Variants in GRID2 observed in about 807,000 individuals in gnomAD.
The protein encoded by GRID2 is glutamate receptor ionotropic, delta-2.
In GRID2, 33 loss-of-function variants were observed where a neutral mutation model predicts 114.8. The ratio of observed to expected loss-of-function variants is 0.29; its 90% CI spans 0.22 to 0.38. The LOEUF is 0.38. Ranked by LOEUF, GRID2 falls within the 10% of genes least tolerant of loss-of-function variation. The pLI is 1.00. For synonymous variants in GRID2, 505 were observed against 449.9 expected, an observed-to-expected ratio of 1.12 and a Z score of -1.55; for missense variants, 1,184 against 1,257.7, an observed-to-expected ratio of 0.94 and a Z score of 0.89.
chr4:92,894,594 CA>C (rs1486339805), intron 2 of GRID2, among the ~76,000 whole-genome samples: 1 of 152,008 alleles, frequency 6.6e-6, no homozygotes, highest in African/African-American at 2.4e-5. Flanking sequence ...AGATTTTAGG[CA>C]AAAACAGGTA....
intron 1 of GRID2, among the ~76,000 whole-genome samples, chr4:92,330,211 A>G (rs1726812696): frequency 6.6e-6 from 1 of 152,082 alleles, no homozygotes; most frequent in South Asian, 2.1e-4. Flanking sequence ...AAGATGTTTA[A>G]ATTTTTTAAT....
intron 1 of GRID2, among the ~76,000 whole-genome samples, chr4:92,519,241 C>T (rs1023427494): frequency 6.6e-6 from 1 of 151,560 alleles, no homozygotes; most frequent in Non-Finnish European, 1.5e-5. Flanking sequence ...GAAGCATTTG[C>T]CTAAAAGTCA....
At chr4:93,681,666 A>G (rs1471587336) in intron 14 of GRID2, among the ~76,000 whole-genome samples, 5 of 152,214 alleles carry the variant, frequency 3.3e-5, no homozygotes, top group Non-Finnish European at 7.3e-5. Flanking sequence ...CCTGACAAAA[A>G]CAACCAATGG....
At chr4:93,804,390 A>C (rs1345094060) in intron 1 of GRID2, among the ~76,000 whole-genome samples, 2 of 152,148 alleles carry the variant, frequency 1.3e-5, no homozygotes, top group African/African-American at 4.8e-5. Context: ...TAGGTTATAT[A>C]ATATAACCTA....
intron 2 of GRID2, among the ~76,000 whole-genome samples, chr4:92,738,365 C>A (rs753890836): frequency 1.3e-5 from 2 of 151,884 alleles, no homozygotes; most frequent in African/African-American, 4.8e-5. Context: ...AGCTTATTCG[C>A]CCCAGAAAAA....
chr4:93,680,702 G>A (rs1174625964), intron 14 of GRID2, among the ~76,000 whole-genome samples: 4 of 151,458 alleles, frequency 2.6e-5, no homozygotes, highest in East Asian at 1.9e-4. Flanking sequence ...AATAGATGCA[G>A]AAAAGGCCTT....
chr4:93,529,904 T>A (rs1330510235), intron 13 of GRID2, among the ~76,000 whole-genome samples: 2 of 152,118 alleles, frequency 1.3e-5, no homozygotes, highest in African/African-American at 4.8e-5. Context: ...CAGCCATATG[T>A]CTAACACTCA....
intron 3 of GRID2, among the ~76,000 whole-genome samples, chr4:93,107,153 G>A (rs1194056071): frequency 1.3e-5 from 2 of 152,096 alleles, no homozygotes; most frequent in African/African-American, 4.8e-5. Context: ...ACAAAAGTTA[G>A]CCTGGCATGG....
chr4:92,819,609 G>A (rs1455157548), intron 2 of GRID2, among the ~76,000 whole-genome samples: 1 of 151,736 alleles, frequency 6.6e-6, no homozygotes, highest in Admixed American at 6.6e-5. Flanking sequence ...TTTAATTAAT[G>A]GTCATTCTTA....
At chr4:93,792,751 G>A (rs1734718676) in intron 1 of GRID2, among the ~76,000 whole-genome samples, 1 of 152,158 alleles carries the variant, frequency 6.6e-6, no homozygotes, top group Non-Finnish European at 1.5e-5. Context: ...GAGGCCATGT[G>A]CAATTTTAGA....
At chr4:93,402,906 G>A (rs1019571691) in intron 9 of GRID2, among the ~76,000 whole-genome samples, 5 of 152,078 alleles carry the variant, frequency 3.3e-5, no homozygotes, top group Non-Finnish European at 7.4e-5. Flanking sequence ...TAAGGACATT[G>A]TCCAAGTGTT....
chr4:93,213,754 T>C (rs550408574), intron 5 of GRID2, among the ~76,000 whole-genome samples: 2 of 152,278 alleles, frequency 1.3e-5, no homozygotes, highest in East Asian at 3.9e-4. Flanking sequence ...TTCTGGGAAA[T>C]GGCTGTTTCT....
chr4:92,918,445 T>C (rs1441378184), intron 2 of GRID2, among the ~76,000 whole-genome samples: 3 of 152,290 alleles, frequency 2.0e-5, no homozygotes, highest in Admixed American at 6.5e-5. Context: ...TCAAAGGGAA[T>C]GCTTCCAGTT....
Position 92,945,550 on chromosome 4 carries a change from A to G in GRID2, c.245-139445A>G, listed in dbSNP as rs142360739. Among the ~76,000 whole-genome samples, 961 of 152,260 alleles carry G rather than the reference A, an allele frequency of 6.3e-3. 6 individuals are homozygous for G. The highest frequency in any genetic ancestry group is 0.022 in the African/African-American group (920 of 41,574). On this transcript the variant is annotated intron_variant, in intron 2 of 15. Coordinates refer to ENST00000282020, the MANE Select transcript of GRID2 (RefSeq NM_001510.4). The stretch of plus-strand genomic sequence containing the variant: ...TAGGAAATTATGTTTGATTCTTACA[A>G]TTGTGATAATTGTTATCCTTCGTTT...
At chr4:93,494,783 T>C (rs1727369838) in intron 12 of GRID2, among the ~76,000 whole-genome samples, 2 of 151,928 alleles carry the variant, frequency 1.3e-5, no homozygotes, top group East Asian at 3.9e-4. Flanking sequence ...ATATAGTTAA[T>C]TGTTTTCAAA....
intron 14 of GRID2, among the ~76,000 whole-genome samples, chr4:93,684,290 T>A (rs76150362): frequency 0.05 from 7,664 of 152,202 alleles, 647 homozygotes; most frequent in African/African-American, 0.17. Flanking sequence ...GTATTTTAAA[T>A]GAAATCCTTG....
At chr4:92,843,022 T>G (rs1743026972) in intron 2 of GRID2, among the ~76,000 whole-genome samples, 1 of 152,134 alleles carries the variant, frequency 6.6e-6, no homozygotes, top group African/African-American at 2.4e-5. Context: ...GAGGATCATT[T>G]GAGCCCAGGA....
At chr4:93,326,183 G>A (rs1210462915) in intron 8 of GRID2, among the ~76,000 whole-genome samples, 1 of 152,110 alleles carries the variant, frequency 6.6e-6, no homozygotes, top group Non-Finnish European at 1.5e-5. Context: ...TAGGTGCTCA[G>A]AAAATTATTG....
chr4:92,683,027 C>G (rs757421490), intron 2 of GRID2, among the ~76,000 whole-genome samples: 1 of 152,012 alleles, frequency 6.6e-6, no homozygotes. Context: ...AGGCTAGGTG[C>G]GGTGGCTCAC....
Sources: gnomAD v4.1 joint callset for allele counts (sites outside exome capture counted in the v4.1 genomes callset) on GRCh38, gnomAD v4.1.1 for gene constraint, MANE v1.5 for transcripts, NCBI Gene and HGNC (gene_info 2026-07-23, HGNC 2026-07-21) for gene names.